The following TMEM64 variants were observed in gnomAD, a reference collection of about 807,000 sequenced individuals.
The protein encoded by TMEM64 is transmembrane protein 64.
A neutral mutation model predicts 24.5 loss-of-function variants in TMEM64; 19 were observed. That is an observed-to-expected ratio of 0.78 (90% CI 0.54 to 1.14). The LOEUF (loss-of-function observed/expected upper bound fraction) is 1.14, where lower values mean the gene tolerates loss of function less well. TMEM64 is among the 50% of genes most tolerant of loss of function. TMEM64 has a pLI of 0.00. For missense variants in TMEM64, 487 were observed against 493.0 expected (o/e 0.99, Z 0.12); for synonymous variants, 262 against 224.7 (o/e 1.17, Z -1.49).
At chr8:90,629,033 C>T (rs749659329) in intron 2 of TMEM64, among the ~76,000 whole-genome samples, 12 of 152,246 alleles carry the variant, frequency 7.9e-5, no homozygotes, top group Middle Eastern at 3.4e-3. Context: ...AAATTTGTGG[C>T]TCGTTTCTAG....
Position 90,646,026 on chromosome 8 carries a change from G to T in TMEM64, c.-121C>A. On this transcript the variant is annotated 5_prime_UTR_variant, in exon 1 of 3. Coordinates refer to ENST00000458549, the MANE Select transcript of TMEM64 (RefSeq NM_001008495.4). ...ACTCCCTGCGTCCGCTCAGAGGGTG[G>T]GAGACGGCCCGTAGAAGGGCGCGGA... is the stretch of plus-strand genomic sequence containing the variant. The T allele has an allele frequency of 2.5e-6, 1 of 404,856 alleles. No individual in the cohort carries two copies. Among genetic ancestry groups the T allele is most frequent in the East Asian group, 1.0e-4 (1 of 9,612 alleles). 25.1% of individuals were successfully genotyped at this position (404,856 alleles called of 1,614,324 possible).
chr8:90,638,893 G>T (rs536119420), intron 1 of TMEM64, among the ~76,000 whole-genome samples: 9 of 152,272 alleles, frequency 5.9e-5, no homozygotes, highest in African/African-American at 2.2e-4. Context: ...CCACTGGAAT[G>T]CTACCACCTC....
Position 90,623,627 on chromosome 8 carries a change from T to C in TMEM64, c.*2044A>G, listed in dbSNP as rs747807105. The C allele has an allele frequency of 1.7e-4, 26 of 152,688 alleles. No individual in the cohort carries two copies. The highest frequency in any genetic ancestry group is 3.4e-3 in the Middle Eastern group (1 of 294). The allele number at this position is 152,688 out of a possible 1,614,324, so 9.5% of individuals were successfully genotyped here. The stretch of plus-strand genomic sequence containing the variant: ...TATTTCTTTTACCTTTACATATTTA[T>C]TGTTAAGTACCAAGCAAAGTGTAAC... On this transcript the variant is annotated 3_prime_UTR_variant, in exon 3 of 3. Coordinates refer to ENST00000458549, the MANE Select transcript of TMEM64 (RefSeq NM_001008495.4).
chr8:90,645,659 C>G lies in TMEM64; in HGVS notation c.247G>C (p.Glu83Gln). Residue 83 changes from glutamate (E) to glutamine (Q), a missense_variant, in exon 1 of 3, where the codon GAG (glutamate) becomes CAG (glutamine). Around this residue, in one of 3 missense-constraint regions of TMEM64, gnomAD observed 419 missense variants for 407.5 expected, o/e 1.03. Coordinates refer to ENST00000458549, the MANE Select transcript of TMEM64 (RefSeq NM_001008495.4). The surrounding 1 kb of genome is among the most constrained non-coding windows in gnomAD (Gnocchi z 4.2). The stretch of plus-strand genomic sequence containing the variant: ...CCGCCCGCCAAGGCCCCGCCCGGCT[C>G]CGGCAGCTCCGAAGCCTCGGGCGGA... Reference protein sequence around the residue: ...HGPPEASELPEPGGALAGGPG... With the variant: ...HGPPEASELPQPGGALAGGPG... 1 of 1,525,304 alleles carries G rather than the reference C, an allele frequency of 6.6e-7. No homozygotes were observed. The highest frequency in any genetic ancestry group is 8.8e-7 in the Non-Finnish European group (1 of 1,141,812). The allele number at this position is 1,525,304 out of a possible 1,614,324, so 94.5% of individuals were successfully genotyped here. A position where few individuals can be genotyped will look rare whatever the true frequency, so the allele number is the denominator to read the frequency against.
intron 1 of TMEM64, among the ~76,000 whole-genome samples, chr8:90,641,072 T>A (rs1809597592): frequency 6.6e-6 from 1 of 152,214 alleles, no homozygotes; most frequent in Non-Finnish European, 1.5e-5. Flanking sequence ...AAGATATATG[T>A]GAGAAATTAA....
At chr8:90,643,932 A>T (rs1809645774) in intron 1 of TMEM64, among the ~76,000 whole-genome samples, 1 of 152,244 alleles carries the variant, frequency 6.6e-6, no homozygotes, top group Admixed American at 6.5e-5. Context: ...AAAAGAAAAG[A>T]AAAAAGAGAA....
At chr8:90,644,704 T>TA (rs1274459025) in intron 1 of TMEM64, among the ~76,000 whole-genome samples, 15 of 152,210 alleles carry the variant, frequency 9.9e-5, no homozygotes, top group African/African-American at 3.6e-4. Context: ...TCCATGTCGC[T>TA]AAAAACTTGA....
intron 2 of TMEM64, among the ~76,000 whole-genome samples, chr8:90,626,632 T>TC (rs1218345985): frequency 2.1e-5 from 3 of 143,834 alleles, no homozygotes; most frequent in South Asian, 4.5e-4. Flanking sequence ...TTTCTTTCTT[T>TC]TTTTTTTTTT....
At position 90,645,568 on chromosome 8, in the gene TMEM64, C is replaced by G. The variant is rs1008053209; in HGVS notation, c.338G>C (p.Cys113Ser). The stretch of plus-strand genomic sequence containing the variant: ...CCGGCACCAACAGGTGCTGCCGAGG[C>G]AGCAGCAGCGCCAGTTTCTCACCTC... ...VAEVRNWRCCCLGSTCWCRSL... is the reference protein window; with the variant it reads ...VAEVRNWRCCSLGSTCWCRSL... The change falls in exon 1 of 3, where the codon TGC (cysteine) becomes TCC (serine). Residue 113 changes from cysteine (C) to serine (S), a missense_variant. Transcript: ENST00000458549. This position sits in a 1 kb window ranked among gnomAD's most constrained non-coding sequence, Gnocchi z 4.2. 18 of 1,544,498 alleles carry G rather than the reference C, an allele frequency of 1.2e-5. No homozygotes were observed. The Middle Eastern group carries it at 5.1e-4, about 43-fold the overall frequency.
chr8:90,633,404 G>A (rs527566316), intron 1 of TMEM64, among the ~76,000 whole-genome samples: 1 of 152,318 alleles, frequency 6.6e-6, no homozygotes, highest in South Asian at 2.1e-4. Flanking sequence ...GCAGCATTGT[G>A]AGGGAGCCTG....
At chr8:90,640,250 A>G (rs1262279358) in intron 1 of TMEM64, among the ~76,000 whole-genome samples, 1 of 152,226 alleles carries the variant, frequency 6.6e-6, no homozygotes, top group Non-Finnish European at 1.5e-5. Context: ...CATTAGATAC[A>G]CTGATACAGT....
chr8:90,645,748 C>G lies in TMEM64; in HGVS notation c.158G>C (p.Ser53Thr). The change falls in exon 1 of 3, where the codon AGC becomes ACC. Residue 53 changes from serine to threonine, a missense_variant. This residue lies in a region of TMEM64 where 419 missense variants were observed against 407.5 expected (regional missense o/e 1.03). Transcript: ENST00000458549. This position sits in a 1 kb window ranked among gnomAD's most constrained non-coding sequence, Gnocchi z 4.2. ...ADRLPRGGGA[S>T]AAAAAAAASG... ...GGCCGCCGCTGCTGCCGCCGCCGCG[C>G]TCGCCCCGCCCCCGCGGGGAAGGCG... 3.7e-6 allele frequency: 4 copies of G among 1,088,534 alleles called. No homozygotes were observed. Among genetic ancestry groups the G allele is most frequent in the Non-Finnish European group, 4.4e-6 (4 of 898,944 alleles). The allele number at this position is 1,088,534 out of a possible 1,614,324, so 67.4% of individuals were successfully genotyped here. A position where few individuals can be genotyped will look rare whatever the true frequency, so the allele number is the denominator to read the frequency against.
At position 90,623,811 on chromosome 8, in the gene TMEM64, C is replaced by T. The variant is rs1420852600; in HGVS notation, c.*1860G>A. Reference sequence around the variant, plus strand: ...CAATGATTCCTTTCACAAAAACTAACCAACAAACAAGAAGCACAAGAAAAA... The same window carrying T: ...CAATGATTCCTTTCACAAAAACTAATCAACAAACAAGAAGCACAAGAAAAA... On this transcript the variant is annotated 3_prime_UTR_variant, in exon 3 of 3. Transcript: ENST00000458549. 1 of 151,964 alleles carries T rather than the reference C, an allele frequency of 6.6e-6. No individual in the cohort carries two copies. Among genetic ancestry groups the T allele is most frequent in the Non-Finnish European group, 1.5e-5 (1 of 67,858 alleles). 9.4% of individuals were successfully genotyped at this position (151,964 alleles called of 1,614,324 possible).
Position 90,645,429 on chromosome 8 carries a change from C to T in TMEM64, c.477G>A (p.Gly159=). Residue 159 remains glycine, a synonymous_variant, in exon 1 of 3, where the codon GGG becomes GGA. Transcript: ENST00000458549. This position sits in a 1 kb window ranked among gnomAD's most constrained non-coding sequence, Gnocchi z 4.2. The part of the protein sequence containing the change: ...LWVESLDSLL[G]VLLFVVGFIV... ...TGAAGCCCACGACGAAGAGCAGGAC[C>T]CCCAGCAGCGAGTCAAGGCTCTCCA... is the stretch of plus-strand genomic sequence containing the variant. 3.2e-6 allele frequency: 5 copies of T among 1,551,672 alleles called. No homozygotes were observed. The South Asian group carries it at 5.9e-5, about 18-fold the overall frequency.
chr8:90,634,548 G>A (rs1181568867), intron 1 of TMEM64, among the ~76,000 whole-genome samples: 2 of 152,088 alleles, frequency 1.3e-5, no homozygotes, highest in Non-Finnish European at 2.9e-5. Flanking sequence ...TTGGGATTAA[G>A]GCAAATCTGC....
chr8:90,643,140 G>A (rs1394553937), intron 1 of TMEM64, among the ~76,000 whole-genome samples: 4 of 152,188 alleles, frequency 2.6e-5, no homozygotes, highest in African/African-American at 9.6e-5. Flanking sequence ...ATTTACCCAT[G>A]ACTACACCAG....
chr8:90,629,384 A>G (rs1809407260), intron 2 of TMEM64, among the ~76,000 whole-genome samples: 1 of 152,160 alleles, frequency 6.6e-6, no homozygotes, highest in Non-Finnish European at 1.5e-5. Flanking sequence ...TAAGATGCAT[A>G]AAAATATAAA....
intron 1 of TMEM64, among the ~76,000 whole-genome samples, chr8:90,643,653 C>A (rs563100370): frequency 2.9e-4 from 44 of 152,332 alleles, no homozygotes; most frequent in Non-Finnish European, 5.1e-4. Context: ...CAGAATCAAT[C>A]TATTTAGGTT....
chr8:90,625,721 A>G lies in TMEM64; in HGVS notation c.1093T>C (p.Tyr365His), dbSNP rs577844210. ...GAAAATGTTAGGGTCCTCTTGTTGT[A>G]GAATGAAGAGCCACTGGTATTTGGT... ...NQPNTSGSSF[Y>H]NKRTLTFSGG... Residue 365 changes from tyrosine to histidine, a missense_variant, in exon 3 of 3, where the codon TAC (tyrosine) becomes CAC (histidine). By Grantham distance (83) the Tyr-to-His change is moderately conservative. This residue lies in a region of TMEM64 where 58 missense variants were observed against 58.2 expected (regional missense o/e 1.00). Transcript: ENST00000458549. 4 of 1,613,970 alleles carry G rather than the reference A, an allele frequency of 2.5e-6. No homozygotes were observed. The highest frequency in any genetic ancestry group is 1.7e-5 in the Admixed American group (1 of 60,010).
Sources: gnomAD v4.1 joint callset for allele counts (sites outside exome capture counted in the v4.1 genomes callset) on GRCh38, gnomAD v4.1.1 for gene constraint, gnomAD v4.1.1 regional missense constraint, Gnocchi (gnomAD v3.1) non-coding constraint, MANE v1.5 for transcripts, NCBI Gene and HGNC (gene_info 2026-07-23, HGNC 2026-07-21) for gene names.